MYLK4: variants seen among roughly 807,000 people sequenced by gnomAD.
MYLK4 encodes the protein myosin light chain kinase family member 4.
A neutral mutation model predicts 48.1 loss-of-function variants in MYLK4; 46 were observed. That is an observed-to-expected ratio of 0.96 (90% CI 0.75 to 1.22). MYLK4 has a LOEUF of 1.22. Ranked by LOEUF, MYLK4 falls within the 50% of genes most tolerant of loss-of-function variation. The pLI is 0.00. For missense variants in MYLK4, 451 were observed against 486.1 expected, an observed-to-expected ratio of 0.93 and a Z score of 0.68; for synonymous variants, 170 against 180.8, an observed-to-expected ratio of 0.94 and a Z score of 0.48.
In MYLK4 at chr6:2,667,670, C is replaced by T. The variant is rs1031330568; in HGVS notation, c.*255G>A. On this transcript the variant is annotated 3_prime_UTR_variant, in exon 13 of 13. Coordinates refer to ENST00000274643, the MANE Select transcript of MYLK4 (RefSeq NM_001012418.5). ...AAAAAATCTCAAGATGGCAGGGAAA[C>T]ATCTTCCCAACATCACCACCACCGG... is the stretch of plus-strand genomic sequence containing the variant. 1 of 152,566 alleles carries T rather than the reference C, an allele frequency of 6.6e-6. No individual in the cohort carries two copies. 9.5% of individuals were successfully genotyped at this position (152,566 alleles called of 1,614,324 possible).
At chr6:2,728,358 A>G (rs1200578245) in intron 2 of MYLK4, among the ~76,000 whole-genome samples, 2 of 152,014 alleles carry the variant, frequency 1.3e-5, no homozygotes, top group Non-Finnish European at 2.9e-5. Flanking sequence ...CTCTGAAGAA[A>G]CCACTTTTGT....
rs367822894 is a variant in MYLK4 at position 2,683,078 on chromosome 6, C to G, written c.630G>C (p.Gln210His). 23 of 1,614,186 alleles carry G rather than the reference C, an allele frequency of 1.4e-5. No homozygotes were observed. Among genetic ancestry groups the G allele is most frequent in the Non-Finnish European group, 1.9e-5 (23 of 1,180,032 alleles). The change falls in exon 7 of 13, where the codon CAG (glutamine) becomes CAC (histidine). Residue 210 changes from glutamine (Q) to histidine (H), a missense_variant. By Grantham distance (24) the Gln-to-His change is conservative. Coordinates refer to ENST00000274643, the MANE Select transcript of MYLK4 (RefSeq NM_001012418.5). ...GCATGTGCCTTATCCCCTCACATAT[C>G]TGCTTCATGAACAGGATGGTATCAA... The part of the protein sequence containing the change: ...TELDTILFMK[Q>H]ICEGIRHMHQ...
At chr6:2,743,766 C>A (rs1290676638) in intron 2 of MYLK4, 2 of 395,290 alleles carry the variant, frequency 5.1e-6, no homozygotes, top group Non-Finnish European at 8.9e-6. Flanking sequence ...ACCTCAACTG[C>A]CCCTAAGACC....
chr6:2,685,208 C>A lies in MYLK4; in HGVS notation c.545+88G>T. 1 of 942,114 alleles carries A rather than the reference C, an allele frequency of 1.1e-6. No homozygotes were observed. The highest frequency in any genetic ancestry group is 1.7e-6 in the Non-Finnish European group (1 of 580,782). The allele number at this position is 942,114 out of a possible 1,614,324, so 58.4% of individuals were successfully genotyped here. A position where few individuals can be genotyped will look rare whatever the true frequency, so the allele number is the denominator to read the frequency against. On this transcript the variant is annotated intron_variant, in intron 6 of 12. Transcript: ENST00000274643. This position sits in a 1 kb window ranked among gnomAD's most constrained non-coding sequence, Gnocchi z 4.5. Reference sequence around the variant, plus strand: ...TGCGGGGGCGAGCTTGGTTCTGGTCCCGCTACAGCAGGACGGAGCTACTGA... The same window carrying A: ...TGCGGGGGCGAGCTTGGTTCTGGTCACGCTACAGCAGGACGGAGCTACTGA...
intron 2 of MYLK4, among the ~76,000 whole-genome samples, chr6:2,735,861 T>C (rs73352577): frequency 0.019 from 2,923 of 152,200 alleles, 87 homozygotes; most frequent in African/African-American, 0.067. Flanking sequence ...GAAATTAAGG[T>C]TTTGGATCAT....
At chr6:2,717,581 C>G (rs1762913906) in intron 2 of MYLK4, among the ~76,000 whole-genome samples, 1 of 152,216 alleles carries the variant, frequency 6.6e-6, no homozygotes, top group Admixed American at 6.5e-5. Context: ...GGCTTCTCAA[C>G]CTAAGGTCAC....
At chr6:2,728,618 G>GA (rs1245386610) in intron 2 of MYLK4, among the ~76,000 whole-genome samples, 13 of 152,194 alleles carry the variant, frequency 8.5e-5, no homozygotes, top group Admixed American at 8.5e-4. Flanking sequence ...GCCATGCCCA[G>GA]AGAGGTTGGC....
Position 2,683,125 on chromosome 6 carries a change from C to G in MYLK4, c.583G>C (p.Glu195Gln), listed in dbSNP as rs1300125455. ...TCAAGCTCCGTCAAATTGTAGCTCT[C>G]ATCGATGATGCGGTCAAACAGCTCC... ...GGELFDRIID[E>Q]SYNLTELDTI... The change falls in exon 7 of 13, where the codon GAG becomes CAG. Residue 195 changes from glutamate to glutamine, a missense_variant. Physicochemically the swap from Glu to Gln is conservative, Grantham distance 29. Transcript: ENST00000274643. 3 of 1,614,036 alleles carry G rather than the reference C, an allele frequency of 1.9e-6. No homozygotes were observed. The highest frequency in any genetic ancestry group is 1.7e-5 in the Admixed American group (1 of 59,998).
intron 3 of MYLK4, 139 bp downstream of exon 3, chr6:2,692,641 AAGGG>A (rs1561844235): frequency 2.6e-3 from 818 of 312,110 alleles, no homozygotes; most frequent in South Asian, 7.8e-3. Flanking sequence ...AAAAAAAAAA[AAGGG>A]GGGGGGGGGC....
chr6:2,715,093 C>T (rs989382743), intron 2 of MYLK4, among the ~76,000 whole-genome samples: 1 of 151,970 alleles, frequency 6.6e-6, no homozygotes, highest in Non-Finnish European at 1.5e-5. Context: ...GGAGAAACCC[C>T]GTCTCTACTA....
chr6:2,765,756 C>A, the MYLK4 span: 1 of 1,487,978 alleles, frequency 6.7e-7, no homozygotes, highest in Admixed American at 2.1e-5. Flanking sequence ...CTCCACCCGG[C>A]GGGGCACGCG....
At chr6:2,684,895 A>G (rs1761467909) in intron 6 of MYLK4, among the ~76,000 whole-genome samples, 2 of 152,028 alleles carry the variant, frequency 1.3e-5, no homozygotes, top group African/African-American at 4.8e-5. Context: ...TTATGTTTTT[A>G]TAAAGGTGAG....
chr6:2,756,479 A>T, the MYLK4 span, among the ~76,000 whole-genome samples: 1 of 152,158 alleles, frequency 6.6e-6, no homozygotes, highest in South Asian at 2.1e-4. Flanking sequence ...GCAGAATGGT[A>T]TTTAGAAATC....
At chr6:2,723,235 G>C (rs1261293944) in intron 2 of MYLK4, among the ~76,000 whole-genome samples, 1 of 152,364 alleles carries the variant, frequency 6.6e-6, no homozygotes, top group East Asian at 1.9e-4. Context: ...CAAGGCTGCA[G>C]TGAGCTGAGA....
intron 2 of MYLK4, among the ~76,000 whole-genome samples, chr6:2,738,572 C>T (rs1763783548): frequency 6.6e-6 from 1 of 152,176 alleles, no homozygotes; most frequent in Non-Finnish European, 1.5e-5. Flanking sequence ...TGCAGCTTTT[C>T]CCCACTGGAG....
intron 7 of MYLK4, among the ~76,000 whole-genome samples, chr6:2,681,108 A>C (rs963012300): frequency 6.6e-6 from 1 of 152,138 alleles, no homozygotes; most frequent in Non-Finnish European, 1.5e-5. Flanking sequence ...TATAAAAGAG[A>C]AAAAAAGTTT....
At chr6:2,748,903 T>C (rs1446402198) in intron 2 of MYLK4, among the ~76,000 whole-genome samples, 1 of 152,264 alleles carries the variant, frequency 6.6e-6, no homozygotes, top group African/African-American at 2.4e-5. Context: ...GTATAACTCC[T>C]AAGCCACTAA....
intron 2 of MYLK4, 114 bp from the exon 3 acceptor site, chr6:2,692,973 T>C: frequency 2.1e-6 from 2 of 944,578 alleles, no homozygotes; most frequent in South Asian, 1.6e-5. Context: ...GTCACGAGCA[T>C]TACAGGACAG....
In MYLK4 at chr6:2,666,648, G is replaced by A. The variant is rs865974398; in HGVS notation, c.*1277C>T. 1 of 152,254 alleles carries A rather than the reference G, an allele frequency of 6.6e-6. No individual in the cohort carries two copies. Among genetic ancestry groups the A allele is most frequent in the Admixed American group, 6.5e-5 (1 of 15,286 alleles). The allele number at this position is 152,254 out of a possible 1,614,324, so 9.4% of individuals were successfully genotyped here. ...TGAGCTTGGAGTTCAGCGGGTAACA[G>A]GAATTTTGTGGGGCTTTTCCTTGCC... On this transcript the variant is annotated 3_prime_UTR_variant, in exon 13 of 13. Coordinates refer to ENST00000274643, the MANE Select transcript of MYLK4 (RefSeq NM_001012418.5).
Sources: gnomAD v4.1 joint callset for allele counts (sites outside exome capture counted in the v4.1 genomes callset) on GRCh38, gnomAD v4.1.1 for gene constraint, Gnocchi (gnomAD v3.1) non-coding constraint, MANE v1.5 for transcripts, NCBI Gene and HGNC (gene_info 2026-07-23, HGNC 2026-07-21) for gene names.